ADAMTS13: variants seen among roughly 807,000 people sequenced by gnomAD.
ADAMTS13 encodes A disintegrin and metalloproteinase with thrombospondin motifs 13.
Under a neutral mutation model 155.1 loss-of-function variants are expected in ADAMTS13, and 110 were observed. The ratio of observed to expected loss-of-function variants is 0.71; its 90% CI spans 0.61 to 0.83. The LOEUF is 0.83. Ranked by LOEUF, ADAMTS13 falls within the 40% of genes least tolerant of loss-of-function variation. ADAMTS13 has a pLI of 0.00. For synonymous variants in ADAMTS13, 758 were observed against 756.4 expected, an observed-to-expected ratio of 1.00 and a Z score of -0.03; for missense variants, 1,707 against 1,891.7, an observed-to-expected ratio of 0.90 and a Z score of 1.81.
chr9:133,429,971 C>A lies in ADAMTS13; in HGVS notation c.857C>A (p.Pro286Gln). Residue 286 changes from proline (P) to glutamine (Q), a missense_variant, in exon 8 of 29, where the codon CCG (proline) becomes CAG (glutamine). Pro to Gln is a moderately conservative substitution (Grantham distance 76, BLOSUM62 -1). Coordinates refer to ENST00000355699, the MANE Select transcript of ADAMTS13 (RefSeq NM_139027.6). The stretch of plus-strand genomic sequence containing the variant: ...CGGGCGCGCTGCGTGTGGGACCCGC[C>A]GCGGCCTCAACCCGGGTCCGCGGGG... ...AGRARCVWDPPRPQPGSAGHP... is the reference protein window; with the variant it reads ...AGRARCVWDPQRPQPGSAGHP... 2 of 1,543,302 alleles carry A rather than the reference C, an allele frequency of 1.3e-6. No homozygotes were observed. The highest frequency in any genetic ancestry group is 1.9e-5 in the Admixed American group (1 of 51,998).
At position 133,455,854 on chromosome 9, in the gene ADAMTS13, C is replaced by G. The variant is rs371096801; in HGVS notation, c.3401-215C>G. On this transcript the variant is annotated intron_variant, in intron 25 of 28. Transcript: ENST00000355699. ...CTCTGGGCTGCTCTGCATGTGCCCC[C>G]TCTTGCTGGATCATCTGGTAGCAGC... 13 of 772,098 alleles carry G rather than the reference C, an allele frequency of 1.7e-5. 2 individuals carry two copies. The highest frequency in any genetic ancestry group is 1.2e-4 in the African/African-American group (7 of 58,244). 47.8% of individuals were successfully genotyped at this position (772,098 alleles called of 1,614,324 possible).
In ADAMTS13 at chr9:133,428,646, G is replaced by C. The variant is rs1840453783; in HGVS notation, c.699G>C (p.Glu233Asp). 7.4e-7 allele frequency: 1 copy of C among 1,350,814 alleles called. No homozygotes were observed. 83.7% of individuals were successfully genotyped at this position (1,350,814 alleles called of 1,614,324 possible). The stretch of plus-strand genomic sequence containing the variant: ...GCCCCCCGACCAGCTTCGGCCTGGA[G>C]CACGACGGCGCGCCCGGCAGCGGCT... Reference protein sequence around the residue: ...AHEIGHSFGLEHDGAPGSGCG... With the variant: ...AHEIGHSFGLDHDGAPGSGCG... The change falls in exon 7 of 29, where the codon GAG (glutamate) becomes GAC (aspartate). Residue 233 changes from glutamate to aspartate, a missense_variant. Physicochemically the swap from Glu to Asp is conservative, Grantham distance 45 (BLOSUM62 2). This residue lies in a region of ADAMTS13 where 733 missense variants were observed against 749.6 expected (regional missense o/e 0.98). Transcript: ENST00000355699.
Position 133,425,429 on chromosome 9 carries a change from C to T in ADAMTS13, c.331-100C>T. ...CCCACACATGCTGGTGGAGTAGCCT[C>T]TCCAGCTCTTCACACTCCGGGGGCC... On this transcript the variant is annotated intron_variant, in intron 3 of 28. Coordinates refer to ENST00000355699, the MANE Select transcript of ADAMTS13 (RefSeq NM_139027.6). The surrounding 1 kb of genome is among the most constrained non-coding windows in gnomAD (Gnocchi z 4.6). The T allele has an allele frequency of 9.8e-7, 1 of 1,020,084 alleles. No homozygotes were observed. The highest frequency in any genetic ancestry group is 1.5e-6 in the Non-Finnish European group (1 of 677,892). 63.2% of individuals were successfully genotyped at this position (1,020,084 alleles called of 1,614,324 possible).
rs587667755 is a variant in ADAMTS13 at position 133,425,194 on chromosome 9, A to G, written c.331-335A>G. On this transcript the variant is annotated intron_variant, in intron 3 of 28. Transcript: ENST00000355699. The surrounding 1 kb of genome is among the most constrained non-coding windows in gnomAD (Gnocchi z 4.6). Reference sequence around the variant, plus strand: ...ACAAAACTTAGCTGGGCATGGTGGCAGGCGCCTGTAATCTGAGAGGAGCCT... The same window carrying G: ...ACAAAACTTAGCTGGGCATGGTGGCGGGCGCCTGTAATCTGAGAGGAGCCT... 2.0e-4 allele frequency among the ~76,000 whole-genome samples: 30 copies of G among 152,336 alleles called. No homozygotes were observed. Among genetic ancestry groups the G allele is most frequent in the African/African-American group, 7.0e-4 (29 of 41,582 alleles).
chr9:133,438,296 C>T lies in ADAMTS13; in HGVS notation c.1635C>T (p.Cys545=). Residue 545 remains cysteine, a synonymous_variant, in exon 14 of 29, where the codon TGC becomes TGT. Transcript: ENST00000355699. ...RMDSQQVWDR[C]QVCGGDNSTC... is the part of the protein sequence containing the mutation. ...ACTCCCAGCAGGTATGGGACAGGTG[C>T]CAGGTGTGTGGTGGGGACAACAGCA... 6.2e-7 allele frequency: 1 copy of T among 1,614,110 alleles called. No homozygotes were observed.
chr9:133,426,174 C>T (rs1554785209), intron 5 of ADAMTS13, 25 bp from the exon 6 acceptor site: 15 of 1,614,044 alleles, frequency 9.3e-6, no homozygotes, highest in Non-Finnish European at 1.2e-5. Context: ...TGGCACCACC[C>T]AAGTGACTGT....
chr9:133,443,346 A>G, intron 18 of ADAMTS13, 30 bp from the exon 19 acceptor site: 1 of 1,576,842 alleles, frequency 6.3e-7, no homozygotes, highest in East Asian at 2.3e-5. Flanking sequence ...GGACCTGGCC[A>G]GGGTCCCGAC....
intron 19 of ADAMTS13, 124 bp from the exon 20 acceptor site, chr9:133,444,739 G>C: frequency 1.0e-6 from 1 of 961,126 alleles, no homozygotes; most frequent in Non-Finnish European, 1.6e-6. Context: ...TCTCTGTGGG[G>C]CTCCTCTTTG....
In ADAMTS13 at chr9:133,447,289, T is replaced by C. The variant is rs59921934; in HGVS notation, c.2732-1310T>C. ...AACCGAGACCAAAAAGAGATTTCTT[T>C]TTCTCTCTTTTCTTTTTTGAGACAA... On this transcript the variant is annotated intron_variant, in intron 21 of 28. Transcript: ENST00000355699. 3.9e-3 allele frequency among the ~76,000 whole-genome samples: 460 copies of C among 119,012 alleles called. 3 individuals carry two copies. Among genetic ancestry groups the C allele is most frequent in the African/African-American group, 0.012 (439 of 35,316 alleles). The allele number at this position is 119,012 out of a possible 152,430, so 78.1% of individuals were successfully genotyped here.
At chr9:133,414,811 C>T (rs782263987) in intron 1 of ADAMTS13, 15 of 1,614,062 alleles carry the variant, frequency 9.3e-6, no homozygotes, top group Admixed American at 1.7e-5. Flanking sequence ...GAGGTACTGG[C>T]GCCCTCCTGT....
chr9:133,439,241 CACT>C, intron 14 of ADAMTS13, 122 bp from the exon 15 acceptor site: 1 of 777,770 alleles, frequency 1.3e-6, no homozygotes, highest in African/African-American at 1.7e-5. Context: ...ACAGGGGACT[CACT>C]GCTGCTGGAG....
At chr9:133,421,359 T>G (rs1554783070), upstream of ADAMTS13, among the ~76,000 whole-genome samples, 2 of 152,200 alleles carry the variant, frequency 1.3e-5, no homozygotes, top group African/African-American at 4.8e-5. Flanking sequence ...GCATGCCCCC[T>G]TCTCCAACAG....
upstream of ADAMTS13, among the ~76,000 whole-genome samples, chr9:133,421,058 G>C (rs1436892483): frequency 6.6e-6 from 1 of 152,188 alleles, no homozygotes; most frequent in Non-Finnish European, 1.5e-5. Flanking sequence ...CTGAGGTCAG[G>C]AGTTTGAGAC....
At chr9:133,454,681 CAT>C (rs1842636839) in intron 24 of ADAMTS13, 62 bp downstream of exon 24, 11 of 1,526,512 alleles carry the variant, frequency 7.2e-6, no homozygotes, top group South Asian at 7.1e-5. Context: ...TGTGGCTCCT[CAT>C]GTGTGAGGGA....
In ADAMTS13 at chr9:133,440,233, T is replaced by G; in HGVS notation, c.1787-111T>G. 1.5e-6 allele frequency: 2 copies of G among 1,362,712 alleles called. No homozygotes were observed. Among genetic ancestry groups the G allele is most frequent in the Non-Finnish European group, 1.0e-6 (1 of 966,340 alleles). 84.4% of individuals were successfully genotyped at this position (1,362,712 alleles called of 1,614,324 possible). A position where few individuals can be genotyped will look rare whatever the true frequency, so the allele number is the denominator to read the frequency against. On this transcript the variant is annotated intron_variant, in intron 15 of 28. Coordinates refer to ENST00000355699, the MANE Select transcript of ADAMTS13 (RefSeq NM_139027.6). This position sits in a 1 kb window ranked among gnomAD's most constrained non-coding sequence, Gnocchi z 4.3. The stretch of plus-strand genomic sequence containing the variant: ...GGGAAGCCTCTAGCTCAGATGCCTG[T>G]GGCTCCTTAGAGGAGGGCTGGGGAC...
In ADAMTS13 at chr9:133,437,776, G is replaced by T; in HGVS notation, c.1463G>T (p.Arg488Leu). 6.2e-7 allele frequency: 1 copy of T among 1,613,866 alleles called. No individual in the cohort carries two copies. The highest frequency in any genetic ancestry group is 8.5e-7 in the Non-Finnish European group (1 of 1,180,034). Residue 488 changes from arginine to leucine, a missense_variant, in exon 13 of 29, where the codon CGG (arginine) becomes CTG (leucine). Arg to Leu is a moderately radical substitution (Grantham distance 102, BLOSUM62 -2). Coordinates refer to ENST00000355699, the MANE Select transcript of ADAMTS13 (RefSeq NM_139027.6). ...GATGCTCTGTGCAGACACATGTGCC[G>T]GGCCATTGGCGAGAGCTTCATCATG... ...QGDALCRHMC[R>L]AIGESFIMKR...
At chr9:133,451,071 C>T (rs964568804) in intron 23 of ADAMTS13, among the ~76,000 whole-genome samples, 12 of 152,114 alleles carry the variant, frequency 7.9e-5, no homozygotes, top group African/African-American at 2.7e-4. Context: ...TGGTAAAGGG[C>T]GAACATTTGC....
chr9:133,422,172 A>G, upstream of ADAMTS13: 1 of 553,442 alleles, frequency 1.8e-6, no homozygotes, highest in Non-Finnish European at 3.2e-6. Flanking sequence ...GTGGGCGTGC[A>G]CATCCGGAGA....
In ADAMTS13 at chr9:133,449,770, C is replaced by T; in HGVS notation, c.2862-13C>T. ...TGGGGCTGTTTGGGGTCCCTGACTC[C>T]AGTTTGCTCCAGGTGGCAGTACAAG... On this transcript the variant is annotated splice_polypyrimidine_tract_variant and intron_variant, in intron 22 of 28. Transcript: ENST00000355699. 6.2e-7 allele frequency: 1 copy of T among 1,613,620 alleles called. No individual in the cohort carries two copies. Among genetic ancestry groups the T allele is most frequent in the Non-Finnish European group, 8.5e-7 (1 of 1,180,032 alleles).
Sources: allele counts gnomAD v4.1 joint callset (sites outside exome capture counted in the v4.1 genomes callset), GRCh38; gene constraint gnomAD v4.1.1; regional missense constraint gnomAD v4.1.1; non-coding constraint Gnocchi (gnomAD v3.1); transcripts MANE v1.5; gene names NCBI Gene and HGNC (gene_info 2026-07-23, HGNC 2026-07-21).